The following CMTM8 variants were observed in gnomAD, a reference collection of about 807,000 sequenced individuals.
The protein encoded by CMTM8 is CKLF-like MARVEL transmembrane domain-containing protein 8.
A neutral mutation model predicts 18.6 loss-of-function variants in CMTM8; 12 were observed. The ratio of observed to expected loss-of-function variants is 0.65; its 90% CI spans 0.41 to 1.05. CMTM8 has a LOEUF of 1.05. Ranked by LOEUF, CMTM8 falls within the 50% of genes least tolerant of loss-of-function variation. CMTM8 has a pLI of 0.00. For missense variants in CMTM8, 217 were observed against 227.2 expected (o/e 0.95, Z 0.29); for synonymous variants, 87 against 90.6 (o/e 0.96, Z 0.23).
chr3:32,333,980 C>G (rs530172428), intron 1 of CMTM8, among the ~76,000 whole-genome samples: 10 of 146,512 alleles, frequency 6.8e-5, no homozygotes, highest in South Asian at 4.4e-4. Flanking sequence ...TTTTTCTTTT[C>G]TTTTTTTTTT....
At chr3:32,319,221 GGCACCCACCACCAT>G (rs1247725510) in intron 1 of CMTM8, among the ~76,000 whole-genome samples, 2 of 150,256 alleles carry the variant, frequency 1.3e-5, no homozygotes, top group Non-Finnish European at 3.0e-5. Context: ...TGGGCTTACA[GGCACCCACCACCAT>G]GCCTGGCTAA....
At chr3:32,342,265 A>G (rs930647783) in intron 1 of CMTM8, among the ~76,000 whole-genome samples, 1 of 152,200 alleles carries the variant, frequency 6.6e-6, no homozygotes, top group Admixed American at 6.5e-5. Context: ...CCCAAAAAAC[A>G]AAAACCTATT....
chr3:32,245,791 A>T (rs1440977122), intron 1 of CMTM8, among the ~76,000 whole-genome samples: 2 of 152,018 alleles, frequency 1.3e-5, no homozygotes, highest in African/African-American at 4.8e-5. Flanking sequence ...TGTAGAAAAA[A>T]CTTTTATTTA....
chr3:32,288,747 G>A (rs557462995), intron 1 of CMTM8, among the ~76,000 whole-genome samples: 44 of 152,282 alleles, frequency 2.9e-4, no homozygotes, highest in Non-Finnish European at 5.6e-4. Context: ...TGATATGCCC[G>A]CCTTGGCCTC....
At chr3:32,338,088 A>G (rs2125587818) in intron 1 of CMTM8, among the ~76,000 whole-genome samples, 2 of 150,714 alleles carry the variant, frequency 1.3e-5, no homozygotes. Flanking sequence ...GGTTCAAATA[A>G]TTCTCCTGCC....
chr3:32,288,412 C>T lies in CMTM8; in HGVS notation c.147+49293C>T, dbSNP rs1198394322. On this transcript the variant is annotated intron_variant, in intron 1 of 3. Coordinates refer to ENST00000307526, the MANE Select transcript of CMTM8 (RefSeq NM_178868.5). Reference sequence around the variant, plus strand: ...CCTCCCACCTCAGCCTCCCAAGTAGCTGGCACTACAGGCACCCACCACACC... The same window carrying T: ...CCTCCCACCTCAGCCTCCCAAGTAGTTGGCACTACAGGCACCCACCACACC... Among the ~76,000 whole-genome samples, 4 of 152,122 alleles carry T rather than the reference C, an allele frequency of 2.6e-5. No homozygotes were observed. The East Asian group carries it at 7.7e-4, about 29-fold the overall frequency.
At chr3:32,269,438 A>G (rs1029211402) in intron 1 of CMTM8, among the ~76,000 whole-genome samples, 9 of 152,338 alleles carry the variant, frequency 5.9e-5, no homozygotes, top group Middle Eastern at 6.8e-3. Flanking sequence ...ACTAATGTTC[A>G]TACCTCCCTG....
chr3:32,314,496 TA>T (rs1299952899), intron 1 of CMTM8, among the ~76,000 whole-genome samples: 1 of 130,330 alleles, frequency 7.7e-6, no homozygotes, highest in Non-Finnish European at 1.7e-5. Flanking sequence ...TTTTTTTTTT[TA>T]AAGACAGAGT....
chr3:32,274,768 C>A (rs1281707989), intron 1 of CMTM8, among the ~76,000 whole-genome samples: 2 of 152,070 alleles, frequency 1.3e-5, no homozygotes, highest in African/African-American at 4.8e-5. Flanking sequence ...CTTTAGTGTC[C>A]TTTAGTCTAG....
chr3:32,239,795 G>A (rs142543897), intron 1 of CMTM8, among the ~76,000 whole-genome samples: 1 of 152,182 alleles, frequency 6.6e-6, no homozygotes, highest in East Asian at 1.9e-4. Flanking sequence ...GCTGAGAAAG[G>A]ACTGGAGTCC....
intron 1 of CMTM8, among the ~76,000 whole-genome samples, chr3:32,331,252 A>T (rs975939076): frequency 3.3e-5 from 5 of 152,242 alleles, no homozygotes; most frequent in Non-Finnish European, 5.9e-5. Context: ...ATGCAAATCA[A>T]AACCATAATG....
chr3:32,303,631 C>T (rs578219306), intron 1 of CMTM8, among the ~76,000 whole-genome samples: 12 of 152,156 alleles, frequency 7.9e-5, no homozygotes, highest in Admixed American at 7.9e-4. Context: ...CCCTCCCCCT[C>T]CCAACTGTAA....
At chr3:32,352,371 G>A (rs760756893) in intron 1 of CMTM8, among the ~76,000 whole-genome samples, 8 of 152,168 alleles carry the variant, frequency 5.3e-5, no homozygotes, top group Non-Finnish European at 1.0e-4. Flanking sequence ...TTCTTCATGT[G>A]TAGTCCCTGA....
At chr3:32,318,161 G>A (rs13088671) in intron 1 of CMTM8, among the ~76,000 whole-genome samples, 16,686 of 151,860 alleles carry the variant, frequency 0.11, 1,043 homozygotes, top group Middle Eastern at 0.18. Context: ...TGTCAGCGGG[G>A]ATTAAGTATA....
chr3:32,334,155 T>C (rs1696336255), intron 1 of CMTM8, among the ~76,000 whole-genome samples: 1 of 151,652 alleles, frequency 6.6e-6, no homozygotes, highest in South Asian at 2.1e-4. Flanking sequence ...ATTTTGTATT[T>C]TCAGTAGAGA....
At chr3:32,297,985 A>G (rs1695507580) in intron 1 of CMTM8, among the ~76,000 whole-genome samples, 1 of 151,854 alleles carries the variant, frequency 6.6e-6, no homozygotes, top group East Asian at 1.9e-4. Context: ...GTGTTCTTCA[A>G]CTGGTTTCAT....
At chr3:32,259,899 A>T in intron 1 of CMTM8, 1 of 997,142 alleles carries the variant, frequency 1.0e-6, no homozygotes, top group South Asian at 1.3e-5. Flanking sequence ...GCCAGCCTGG[A>T]GAACAGCCTG....
chr3:32,295,603 T>C (rs1702865089), intron 1 of CMTM8, among the ~76,000 whole-genome samples: 1 of 151,710 alleles, frequency 6.6e-6, no homozygotes, highest in African/African-American at 2.4e-5. Flanking sequence ...CTATTGTATA[T>C]CATTTTGTTA....
At chr3:32,367,746 C>G (rs757624310) in intron 2 of CMTM8, 126 bp from the exon 3 acceptor site, 3 of 624,154 alleles carry the variant, frequency 4.8e-6, no homozygotes, top group South Asian at 4.3e-5. Flanking sequence ...CCTTCTCCCC[C>G]ACCCTCCCAC....
Sources: gnomAD v4.1 joint callset for allele counts (sites outside exome capture counted in the v4.1 genomes callset) on GRCh38, gnomAD v4.1.1 for gene constraint, MANE v1.5 for transcripts, NCBI Gene and HGNC (gene_info 2026-07-23, HGNC 2026-07-21) for gene names.